The following SEC24D variants were observed in gnomAD, a reference collection of about 807,000 sequenced individuals.
SEC24D encodes the protein protein transport protein Sec24D.
A neutral mutation model predicts 116.9 loss-of-function variants in SEC24D; 69 were observed. That is an observed-to-expected ratio of 0.59 (90% CI 0.49 to 0.72). The LOEUF is 0.72. Among genes scored for constraint, SEC24D ranks in the 30% least tolerant of loss-of-function variants. The pLI is 0.00. For synonymous variants in SEC24D, 405 were observed against 442.8 expected (o/e 0.91, Z 1.07); for missense variants, 1,131 against 1,264.1 (o/e 0.89, Z 1.60).
chr4:118,783,378 TCCATAGACCTAGATAA>T (rs760921406), intron 8 of SEC24D, among the ~76,000 whole-genome samples: 24 of 152,308 alleles, frequency 1.6e-4, no homozygotes, highest in Non-Finnish European at 1.3e-4. Flanking sequence ...TTTTCCTTCC[TCCATAGACCTAGATAA>T]CCTTCTTACC....
At chr4:118,763,198 A>T (rs953491039) in intron 10 of SEC24D, among the ~76,000 whole-genome samples, 11 of 152,244 alleles carry the variant, frequency 7.2e-5, no homozygotes, top group Non-Finnish European at 1.2e-4. Flanking sequence ...TACCAAAAAT[A>T]TTCCTAAATT....
intron 6 of SEC24D, among the ~76,000 whole-genome samples, chr4:118,807,719 C>G (rs1395971749): frequency 6.6e-6 from 1 of 152,180 alleles, no homozygotes; most frequent in Non-Finnish European, 1.5e-5. Flanking sequence ...ACTGACAACA[C>G]TGGTTTTATG....
At chr4:118,742,778 A>G (rs1462454040) in intron 15 of SEC24D, among the ~76,000 whole-genome samples, 1 of 152,146 alleles carries the variant, frequency 6.6e-6, no homozygotes, top group Middle Eastern at 3.2e-3. Flanking sequence ...CACACACATT[A>G]GAGGTACACC....
intron 8 of SEC24D, among the ~76,000 whole-genome samples, chr4:118,768,945 A>C (rs1157810607): frequency 6.6e-6 from 1 of 152,246 alleles, no homozygotes; most frequent in African/African-American, 2.4e-5. Context: ...TACTTACGTT[A>C]AAAACATTCT....
Position 118,757,864 on chromosome 4 carries a change from A to G in SEC24D, c.1297-19T>C, listed in dbSNP as rs1381704105. 6.3e-7 allele frequency: 1 copy of G among 1,584,790 alleles called. No individual in the cohort carries two copies. The highest frequency in any genetic ancestry group is 8.6e-7 in the Non-Finnish European group (1 of 1,168,954). ...TACTCTTCTATAGGAAAGCAAACAC[A>G]TCACATAAATAAAGTAAATACATTG... On this transcript the variant is annotated intron_variant, in intron 10 of 22. Transcript: ENST00000280551.
At chr4:118,816,000 T>C (rs1327557563) in intron 4 of SEC24D, among the ~76,000 whole-genome samples, 1 of 151,874 alleles carries the variant, frequency 6.6e-6, no homozygotes, top group African/African-American at 2.4e-5. Context: ...TGGACCACTG[T>C]AGCCTCAACA....
intron 10 of SEC24D, among the ~76,000 whole-genome samples, chr4:118,758,227 T>A (rs975178170): frequency 4.6e-5 from 7 of 152,168 alleles, no homozygotes; most frequent in Admixed American, 3.3e-4. Flanking sequence ...ACTAAAAAAT[T>A]ATGCTAAAAA....
At chr4:118,812,283 G>A (rs116329146) in intron 6 of SEC24D, among the ~76,000 whole-genome samples, 6,641 of 152,188 alleles carry the variant, frequency 0.044, 194 homozygotes, top group Non-Finnish European at 0.063. Flanking sequence ...TTACTGATAT[G>A]GGAGGCGGGC....
intron 13 of SEC24D, 34 bp from the exon 14 acceptor site, chr4:118,745,094 A>AAATG (rs747894721): frequency 3.3e-6 from 4 of 1,213,142 alleles, no homozygotes; most frequent in Non-Finnish European, 3.6e-6. Flanking sequence ...AACCCACAGA[A>AAATG]AATGCCGTGA....
chr4:118,784,737 C>CT (rs1345199152), intron 8 of SEC24D, among the ~76,000 whole-genome samples: 2 of 123,422 alleles, frequency 1.6e-5, no homozygotes, highest in African/African-American at 2.9e-5. Flanking sequence ...ACATCCTTCC[C>CT]TGCCCCCCCC....
At chr4:118,755,464 C>CAAAAAAAAAAAAAAA (rs34008479) in intron 11 of SEC24D, among the ~76,000 whole-genome samples, 1 of 85,082 alleles carries the variant, frequency 1.2e-5, no homozygotes. Flanking sequence ...AACAAACAGA[C>CAAAAAAAAAAAAAAA]AAAAAAAAAA....
chr4:118,776,462 C>T (rs1015441012), intron 8 of SEC24D, among the ~76,000 whole-genome samples: 2 of 152,046 alleles, frequency 1.3e-5, no homozygotes, highest in Non-Finnish European at 2.9e-5. Context: ...AAAATAAATA[C>T]CAATGCAGTT....
chr4:118,768,352 A>T, intron 8 of SEC24D, 41 bp from the exon 9 acceptor site: 6 of 1,515,574 alleles, frequency 4.0e-6, no homozygotes, highest in Non-Finnish European at 5.4e-6. Flanking sequence ...AGGTGAGTAT[A>T]GGATTTCTAG....
In SEC24D at chr4:118,797,821, C is replaced by A; in HGVS notation, c.914-11G>T. The A allele has an allele frequency of 6.3e-7, 1 of 1,579,062 alleles. No individual in the cohort carries two copies. The highest frequency in any genetic ancestry group is 8.6e-7 in the Non-Finnish European group (1 of 1,158,048). ...GAGGACTGGCATTTCCTGAAACATT[C>A]AAAAGGATACACTTAAAACTTGTTT... On this transcript the variant is annotated splice_polypyrimidine_tract_variant and intron_variant, in intron 7 of 22. Coordinates refer to ENST00000280551, the MANE Select transcript of SEC24D (RefSeq NM_014822.4).
At chr4:118,757,022 T>TA (rs1727130824) in intron 11 of SEC24D, among the ~76,000 whole-genome samples, 1 of 152,228 alleles carries the variant, frequency 6.6e-6, no homozygotes, top group Non-Finnish European at 1.5e-5. Context: ...TGTATGTGTG[T>TA]AACTTTATAT....
Position 118,784,745 on chromosome 4 carries a change from C to A in SEC24D, c.1041+12938G>T, listed in dbSNP as rs967743248. On this transcript the variant is annotated intron_variant, in intron 8 of 22. Coordinates refer to ENST00000280551, the MANE Select transcript of SEC24D (RefSeq NM_014822.4). ...GCTCATAACATCCTTCCCTGCCCCCCCCCCCGCCACCAAATACACACAAAC... is the reference window on the plus strand; with the variant it reads ...GCTCATAACATCCTTCCCTGCCCCCACCCCCGCCACCAAATACACACAAAC... Among the ~76,000 whole-genome samples, 70 of 151,084 alleles carry A rather than the reference C, an allele frequency of 4.6e-4. 1 individual carries two copies. The highest frequency in any genetic ancestry group is 1.5e-3 in the African/African-American group (60 of 40,822).
At position 118,745,037 on chromosome 4, in the gene SEC24D, C is replaced by T; in HGVS notation, c.1731G>A (p.Leu577=). The T allele has an allele frequency of 6.3e-7, 1 of 1,598,332 alleles. No homozygotes were observed. The highest frequency in any genetic ancestry group is 8.6e-7 in the Non-Finnish European group (1 of 1,168,886). Residue 577 remains leucine, a synonymous_variant, in exon 14 of 23, where the codon CTG becomes CTA. Transcript: ENST00000280551. ...ALKAADCPGK[L]FIFHSSLPTA... ...TTGGCAAGGAAGAATGGAAGATGAA[C>T]AGCTTCCCAGGACAGTCTGCTGCCT... is the stretch of plus-strand genomic sequence containing the variant.
chr4:118,791,618 C>T (rs1327541658), intron 8 of SEC24D, among the ~76,000 whole-genome samples: 1 of 151,714 alleles, frequency 6.6e-6, no homozygotes, highest in African/African-American at 2.4e-5. Flanking sequence ...TCACTGCAAC[C>T]TCCCTGCCTG....
rs183123808 is a variant in SEC24D at position 118,757,883 on chromosome 4, T to C, written c.1297-38A>G. ...AAACACATCACATAAATAAAGTAAA[T>C]ACATTGCATAATCAAATGTCAATAC... is the stretch of plus-strand genomic sequence containing the variant. On this transcript the variant is annotated intron_variant, in intron 10 of 22. Transcript: ENST00000280551. 1.4e-4 allele frequency: 213 copies of C among 1,550,780 alleles called. 1 individual carries two copies. In the African/African-American group the frequency reaches 2.9e-3, roughly 21 times the overall value.
Sources: allele counts gnomAD v4.1 joint callset (sites outside exome capture counted in the v4.1 genomes callset), GRCh38; gene constraint gnomAD v4.1.1; transcripts MANE v1.5; gene names NCBI Gene and HGNC (gene_info 2026-07-23, HGNC 2026-07-21).